BCO2: variants seen among roughly 807,000 people sequenced by gnomAD.
BCO2 encodes the protein beta-carotene oxygenase 2, also known as carotenoid-cleaving dioxygenase, mitochondrial.
Under a neutral mutation model 65.8 loss-of-function variants are expected in BCO2, and 56 were observed. The ratio of observed to expected loss-of-function variants is 0.85; its 90% CI spans 0.69 to 1.06. The LOEUF (loss-of-function observed/expected upper bound fraction) is 1.06. BCO2 is among the 50% of genes least tolerant of loss of function. BCO2 has a pLI of 0.00. For missense variants in BCO2, 675 were observed against 698.5 expected, an observed-to-expected ratio of 0.97 and a Z score of 0.38; for synonymous variants, 233 against 242.3, an observed-to-expected ratio of 0.96 and a Z score of 0.36.
At chr11:112,201,576 G>T (rs1410602028) in intron 7 of BCO2, among the ~76,000 whole-genome samples, 1 of 152,080 alleles carries the variant, frequency 6.6e-6, no homozygotes, top group African/African-American at 2.4e-5. Context: ...TCTCTAAAGA[G>T]ATAGTATCTT....
rs1859619219 is a variant in BCO2, at chr11:112,214,913, T to A, written c.1484T>A (p.Ile495Asn). The change falls in exon 10 of 12, where the codon ATC becomes AAC. Residue 495 changes from isoleucine to asparagine, a missense_variant. Transcript: ENST00000357685. ...CGGCATTTAGTGGGGGATTCTCTGA[T>A]CAAGGTTGATGTGGTGAATAAGACA... ...GFRHLVGDSL[I>N]KVDVVNKTLK... is the part of the protein sequence containing the mutation. 4.3e-6 allele frequency: 7 copies of A among 1,614,214 alleles called. No individual in the cohort carries two copies. The East Asian group carries it at 1.6e-4, about 36-fold the overall frequency.
rs1353656762 is a variant in BCO2 at position 112,175,533 on chromosome 11, CT to C, written c.-68del. The C allele has an allele frequency of 8.8e-7, 1 of 1,142,354 alleles. No homozygotes were observed. The highest frequency in any genetic ancestry group is 1.3e-6 in the Non-Finnish European group (1 of 755,524). 70.8% of individuals were successfully genotyped at this position (1,142,354 alleles called of 1,614,324 possible). On this transcript the variant is annotated 5_prime_UTR_variant, in exon 1 of 12. Transcript: ENST00000357685. Reference sequence around the variant, plus strand: ...GTCCAGGCAGTTCTGTGCGTGTTCACTGTTTAGTAGTACTCAAAACTGCCAG... The same window carrying C: ...GTCCAGGCAGTTCTGTGCGTGTTCACGTTTAGTAGTACTCAAAACTGCCAG...
intron 4 of BCO2, 141 bp downstream of exon 4, chr11:112,194,135 C>T: frequency 1.6e-6 from 1 of 609,500 alleles, no homozygotes; most frequent in Non-Finnish European, 2.9e-6. Context: ...TGCAGGTCAC[C>T]TTTACTCTCT....
chr11:112,199,365 G>C (rs1402994766), intron 5 of BCO2, among the ~76,000 whole-genome samples: 1 of 152,114 alleles, frequency 6.6e-6, no homozygotes, highest in Non-Finnish European at 1.5e-5. Flanking sequence ...TCATTGATGG[G>C]CATTTGAGTT....
At chr11:112,214,216 G>A (rs1007754032) in intron 9 of BCO2, among the ~76,000 whole-genome samples, 2 of 151,688 alleles carry the variant, frequency 1.3e-5, no homozygotes, top group African/African-American at 4.8e-5. Context: ...GTGCTATCTC[G>A]GCTCACTGCA....
intron 8 of BCO2, among the ~76,000 whole-genome samples, chr11:112,212,585 A>C: frequency 6.6e-6 from 1 of 152,234 alleles, no homozygotes; most frequent in African/African-American, 2.4e-5. Flanking sequence ...AGTCTAGAGG[A>C]AACCAGGTAC....
At chr11:112,194,111 A>T in intron 4 of BCO2, 117 bp downstream of exon 4, 1 of 656,660 alleles carries the variant, frequency 1.5e-6, no homozygotes, top group African/African-American at 1.8e-5. Context: ...ACACAAAAAG[A>T]AAGTTATTCA....
Position 112,213,757 on chromosome 11 carries a change from A to T in BCO2, c.1228A>T (p.Arg410Trp), listed in dbSNP as rs78952668. 4.3e-4 allele frequency: 687 copies of T among 1,613,468 alleles called. 1 individual carries two copies. The highest frequency in any genetic ancestry group is 4.9e-4 in the Non-Finnish European group (579 of 1,179,720). Residue 410 changes from arginine (R) to tryptophan (W), a missense_variant, in exon 9 of 12, where the codon AGG becomes TGG. Coordinates refer to ENST00000357685, the MANE Select transcript of BCO2 (RefSeq NM_031938.7). The stretch of plus-strand genomic sequence containing the variant: ...TTCAGCAGCCAAATCTTTCCCTCGA[A>T]GGTTTGTTTTGCCTTTAAATGTCAG... ...HNSAAKSFPRRFVLPLNVSLN... is the reference protein window; with the variant it reads ...HNSAAKSFPRWFVLPLNVSLN...
chr11:112,205,391 C>T (rs1475172960), intron 8 of BCO2, among the ~76,000 whole-genome samples: 4 of 152,076 alleles, frequency 2.6e-5, no homozygotes, highest in African/African-American at 4.8e-5. Context: ...TTTGTATTTC[C>T]CTTATGGTTA....
At chr11:112,217,051 G>A (rs1436197849) in intron 11 of BCO2, among the ~76,000 whole-genome samples, 1 of 152,194 alleles carries the variant, frequency 6.6e-6, no homozygotes, top group African/African-American at 2.4e-5. Context: ...TGCAATGCTG[G>A]CCTTTAAACA....
chr11:112,198,016 T>A (rs1425584260), intron 5 of BCO2, among the ~76,000 whole-genome samples: 1 of 152,242 alleles, frequency 6.6e-6, no homozygotes, highest in Non-Finnish European at 1.5e-5. Flanking sequence ...GACCAGCATA[T>A]TTAAAGTTGC....
Position 112,218,546 on chromosome 11 carries a change from T to G in BCO2, c.*672T>G. 3.9e-6 allele frequency: 1 copy of G among 256,240 alleles called. No homozygotes were observed. Among genetic ancestry groups the G allele is most frequent in the East Asian group, 9.8e-5 (1 of 10,240 alleles). The allele number at this position is 256,240 out of a possible 1,614,324, so 15.9% of individuals were successfully genotyped here. A position where few individuals can be genotyped will look rare whatever the true frequency, so the allele number is the denominator to read the frequency against. On this transcript the variant is annotated 3_prime_UTR_variant, in exon 12 of 12. Transcript: ENST00000357685. ...GAGTCCCATGGTGCTGAACACCAAC[T>G]CACCCTAATTAAGGTTGATGACAAC...
chr11:112,189,418 T>C, intron 2 of BCO2, among the ~76,000 whole-genome samples: 1 of 151,074 alleles, frequency 6.6e-6, no homozygotes, highest in Non-Finnish European at 1.5e-5. Context: ...TTTTTTTTTT[T>C]TTTTTGAGAC....
At chr11:112,211,589 C>G (rs1167044845) in intron 8 of BCO2, among the ~76,000 whole-genome samples, 1 of 152,080 alleles carries the variant, frequency 6.6e-6, no homozygotes, top group Non-Finnish European at 1.5e-5. Flanking sequence ...CAGCAATGCA[C>G]AAGAGTTCCA....
In BCO2 at chr11:112,216,255, T is replaced by C. The variant is rs368310159; in HGVS notation, c.1551T>C (p.Pro517=). 1.9e-6 allele frequency: 3 copies of C among 1,614,098 alleles called. No homozygotes were observed. In the African/African-American group the frequency reaches 4.0e-5, roughly 22 times the overall value. ...WREDGFYPSE[P]VFVPAPGTNE... ...AAGATGGCTTTTATCCCTCAGAACC[T>C]GTTTTTGTTCCAGCACCAGGAACCA... The change falls in exon 11 of 12, where the codon CCT becomes CCC. Residue 517 remains proline, a synonymous_variant. Transcript: ENST00000357685.
chr11:112,208,432 T>TG (rs1859410593), intron 8 of BCO2, among the ~76,000 whole-genome samples: 4 of 151,708 alleles, frequency 2.6e-5, no homozygotes, highest in Admixed American at 2.0e-4. Context: ...TTTTTTTTTT[T>TG]GTCTTATTTC....
At chr11:112,210,954 T>G (rs914470848) in intron 8 of BCO2, among the ~76,000 whole-genome samples, 1 of 152,170 alleles carries the variant, frequency 6.6e-6, no homozygotes, top group Non-Finnish European at 1.5e-5. Context: ...TATATATATA[T>G]AACATTAAAT....
In BCO2 at chr11:112,192,677, CT is replaced by C. The variant is rs71463410; in HGVS notation, c.294-780del. 4.6e-3 allele frequency among the ~76,000 whole-genome samples: 568 copies of C among 124,744 alleles called. 4 individuals are homozygous for C. The highest frequency in any genetic ancestry group is 6.6e-3 in the Non-Finnish European group (389 of 58,890). The allele number at this position is 124,744 out of a possible 152,430, so 81.8% of individuals were successfully genotyped here. On this transcript the variant is annotated intron_variant, in intron 2 of 11. Transcript: ENST00000357685. ...AGGAACTTGTTCTTTTTCTTTCTTT[CT>C]TTTTTTTTTTTTTTTTAATGAGACG...
At chr11:112,181,259 G>A in intron 2 of BCO2, 4 of 588,654 alleles carry the variant, frequency 6.8e-6, no homozygotes, top group Middle Eastern at 9.6e-4. Context: ...TCGGCTCACT[G>A]CAAGCTCCGC....
Sources: gnomAD v4.1 joint callset for allele counts (sites outside exome capture counted in the v4.1 genomes callset) on GRCh38, gnomAD v4.1.1 for gene constraint, MANE v1.5 for transcripts, NCBI Gene and HGNC (gene_info 2026-07-23, HGNC 2026-07-21) for gene names.